EIF4H: variants seen among roughly 807,000 people sequenced by gnomAD.
EIF4H encodes eukaryotic translation initiation factor 4H, also known as Williams-Beuren syndrome chromosome region 1.
In EIF4H, 8 loss-of-function variants were observed where a neutral mutation model predicts 30.6. The ratio of observed to expected loss-of-function variants is 0.26; its 90% confidence interval spans 0.15 to 0.47. The LOEUF is 0.47. Ranked by LOEUF, EIF4H falls within the 20% of genes least tolerant of loss-of-function variation. The pLI, the probability that EIF4H is intolerant of heterozygous loss-of-function variation, is 0.99. For synonymous variants in EIF4H, 106 were observed against 122.7 expected (o/e 0.86, Z 0.90); for missense variants, 188 against 339.5 (o/e 0.55, Z 3.51).
At chr7:74,174,935 G>A (rs1800803339) in intron 1 of EIF4H, among the ~76,000 whole-genome samples, 1 of 152,228 alleles carries the variant, frequency 6.6e-6, no homozygotes. Flanking sequence ...AGCCAAGAGG[G>A]GCGATTCCCT....
Position 74,196,391 on chromosome 7 carries a change from A to G in EIF4H, c.*1083A>G, listed in dbSNP as rs34251399. ...CTCATTTCCTTTGATAAATTGTACT[A>G]TGCAGAGCTGTCAGGAACCTTCAGA... On this transcript the variant is annotated 3_prime_UTR_variant, in exon 7 of 7. Transcript: ENST00000265753. 4 of 152,690 alleles carry G rather than the reference A, an allele frequency of 2.6e-5. No homozygotes were observed. The highest frequency in any genetic ancestry group is 4.8e-5 in the African/African-American group (2 of 41,464). The allele number at this position is 152,690 out of a possible 1,614,324, so 9.5% of individuals were successfully genotyped here.
intron 1 of EIF4H, among the ~76,000 whole-genome samples, chr7:74,175,622 T>C (rs547477539): frequency 2.0e-5 from 3 of 151,986 alleles, no homozygotes; most frequent in Non-Finnish European, 4.4e-5. Context: ...TATTTGCTAA[T>C]AAAAAAAGAA....
intron 2 of EIF4H, among the ~76,000 whole-genome samples, chr7:74,189,004 C>T (rs1348214039): frequency 1.3e-5 from 2 of 152,066 alleles, no homozygotes; most frequent in African/African-American, 4.8e-5. Context: ...AGTTATTATA[C>T]ACAGGGCAAG....
intron 1 of EIF4H, among the ~76,000 whole-genome samples, chr7:74,175,875 C>T (rs956403752): frequency 2.0e-5 from 3 of 152,038 alleles, no homozygotes; most frequent in African/African-American, 4.8e-5. Context: ...AAAAAATTTC[C>T]TTCAGACACA....
chr7:74,186,788 A>ATTTTTTTTTTTTTTTTTTTTTT (rs564794579), intron 1 of EIF4H, among the ~76,000 whole-genome samples: 1 of 70,088 alleles, frequency 1.4e-5, no homozygotes, highest in Non-Finnish European at 2.9e-5. Flanking sequence ...ACAAGGAGAA[A>ATTTTTTTTTTTTTTTTTTTTTT]TTTTTTTTTT....
intron 2 of EIF4H, 52 bp downstream of exon 2, chr7:74,187,850 G>A: frequency 7.0e-7 from 1 of 1,420,474 alleles, no homozygotes; most frequent in African/African-American, 1.5e-5. Context: ...AGGGGAGGAT[G>A]GGAAGGGGTT....
At chr7:74,194,276 T>G (rs1328922064) in intron 5 of EIF4H, among the ~76,000 whole-genome samples, 1 of 152,208 alleles carries the variant, frequency 6.6e-6, no homozygotes, top group Non-Finnish European at 1.5e-5. Context: ...GACTTTGTGT[T>G]TTTATTTTGT....
intron 5 of EIF4H, among the ~76,000 whole-genome samples, chr7:74,193,557 G>A (rs1213358865): frequency 6.6e-6 from 1 of 151,952 alleles, no homozygotes; most frequent in Non-Finnish European, 1.5e-5. Flanking sequence ...CCCTGAGTGC[G>A]CAACCAACAG....
intron 2 of EIF4H, 104 bp downstream of exon 2, chr7:74,187,902 A>T: frequency 7.5e-7 from 1 of 1,328,424 alleles, no homozygotes. Context: ...TGTAATCAAG[A>T]AAGTGTTTTA....
intron 1 of EIF4H, among the ~76,000 whole-genome samples, chr7:74,179,428 C>CTG (rs1434953683): frequency 1.3e-5 from 2 of 151,932 alleles, no homozygotes; most frequent in African/African-American, 4.8e-5. Flanking sequence ...GGTCAGTAGT[C>CTG]TGAGACCAGC....
chr7:74,194,729 T>C lies in EIF4H; in HGVS notation c.470-12T>C. The stretch of plus-strand genomic sequence containing the variant: ...GTTTGAAAAGTAATTCAGTGTCCTG[T>C]TTCTTCCTCAGGCTTCAGGGATGAC... On this transcript the variant is annotated splice_polypyrimidine_tract_variant and intron_variant, in intron 5 of 6. Coordinates refer to ENST00000265753, the MANE Select transcript of EIF4H (RefSeq NM_022170.2). 1 of 1,566,928 alleles carries C rather than the reference T, an allele frequency of 6.4e-7. No individual in the cohort carries two copies.
chr7:74,181,132 C>T (rs1554708344), intron 1 of EIF4H, among the ~76,000 whole-genome samples: 1 of 152,028 alleles, frequency 6.6e-6, no homozygotes, highest in Admixed American at 6.6e-5. Flanking sequence ...TTTCATAATC[C>T]AAACAGAAAC....
At chr7:74,187,007 A>G (rs1338523455) in intron 1 of EIF4H, among the ~76,000 whole-genome samples, 2 of 152,002 alleles carry the variant, frequency 1.3e-5, no homozygotes, top group Non-Finnish European at 2.9e-5. Context: ...CATTACTTCT[A>G]GACTGTCCAT....
At chr7:74,193,333 G>A (rs1554710239) in intron 5 of EIF4H, among the ~76,000 whole-genome samples, 1 of 152,218 alleles carries the variant, frequency 6.6e-6, no homozygotes, top group African/African-American at 2.4e-5. Context: ...TCGCATCTGT[G>A]CAGGTCCAGG....
chr7:74,195,023 G>A (rs1220070131), intron 6 of EIF4H, 145 bp downstream of exon 6: 1 of 1,506,486 alleles, frequency 6.6e-7, no homozygotes, highest in Non-Finnish European at 8.9e-7. Context: ...AGTTCACCTT[G>A]GTCATTAGAG....
rs981332285 is a variant in EIF4H, at chr7:74,190,268, C to A, written c.431C>A (p.Ser144Tyr). Reference sequence around the variant, plus strand: ...TCAGGAATGGGTAGCTCTCGAGAATCTAGAGGTGGATGGGATTCCCGGGAT... The same window carrying A: ...TCAGGAATGGGTAGCTCTCGAGAATATAGAGGTGGATGGGATTCCCGGGAT... Reference protein sequence around the residue: ...DDRGMGSSRESRGGWDSRDDF... With the variant: ...DDRGMGSSREYRGGWDSRDDF... Residue 144 changes from serine to tyrosine, a missense_variant, in exon 5 of 7, where the codon TCT becomes TAT. Coordinates refer to ENST00000265753, the MANE Select transcript of EIF4H (RefSeq NM_022170.2). 16 of 1,614,166 alleles carry A rather than the reference C, an allele frequency of 9.9e-6. No individual in the cohort carries two copies. The highest frequency in any genetic ancestry group is 1.3e-5 in the Non-Finnish European group (15 of 1,180,028).
chr7:74,178,537 A>G (rs1800889979), intron 1 of EIF4H, among the ~76,000 whole-genome samples: 1 of 151,214 alleles, frequency 6.6e-6, no homozygotes, highest in Non-Finnish European at 1.5e-5. Context: ...ACAGAGAGAG[A>G]CTGTCTCCAA....
intron 1 of EIF4H, among the ~76,000 whole-genome samples, chr7:74,186,195 T>C (rs1001378110): frequency 1.3e-5 from 2 of 151,912 alleles, no homozygotes; most frequent in African/African-American, 4.8e-5. Context: ...TATCGTTTAA[T>C]ATAATAATCT....
chr7:74,187,193 G>A (rs1801103798), intron 1 of EIF4H, among the ~76,000 whole-genome samples: 1 of 152,106 alleles, frequency 6.6e-6, no homozygotes, highest in Admixed American at 6.5e-5. Context: ...ACTTTGGGAG[G>A]GTGAGGCAGG....
Sources: gnomAD v4.1 joint callset for allele counts (sites outside exome capture counted in the v4.1 genomes callset) on GRCh38, gnomAD v4.1.1 for gene constraint, MANE v1.5 for transcripts, NCBI Gene and HGNC (gene_info 2026-07-23, HGNC 2026-07-21) for gene names.